The following RABGAP1L variants were observed in gnomAD, a reference collection of about 807,000 sequenced individuals.
RABGAP1L encodes rab GTPase-activating protein 1-like.
Under a neutral mutation model 137.7 loss-of-function variants are expected in RABGAP1L, and 63 were observed. The ratio of observed to expected loss-of-function variants is 0.46; its 90% CI spans 0.37 to 0.56. The LOEUF (loss-of-function observed/expected upper bound fraction) is 0.56, where lower values mean the gene tolerates loss of function less well. Among genes scored for constraint, RABGAP1L ranks in the 20% least tolerant of loss-of-function variants. The pLI is 0.00. For synonymous variants in RABGAP1L, 431 were observed against 433.7 expected (o/e 0.99, Z 0.08); for missense variants, 1,095 against 1,244.0 (o/e 0.88, Z 1.80).
chr1:174,876,377 G>A (rs1409503827), intron 19 of RABGAP1L, among the ~76,000 whole-genome samples: 1 of 152,108 alleles, frequency 6.6e-6, no homozygotes, highest in African/African-American at 2.4e-5. Flanking sequence ...AAAAAGCAGG[G>A]AAGATACTAG....
intron 13 of RABGAP1L, among the ~76,000 whole-genome samples, chr1:174,406,962 A>G (rs1449561922): frequency 6.6e-6 from 1 of 152,232 alleles, no homozygotes; most frequent in Non-Finnish European, 1.5e-5. Flanking sequence ...CCAATTTCAT[A>G]ATAACTTTAT....
intron 19 of RABGAP1L, chr1:174,893,136 G>C (rs1656534429): frequency 3.2e-6 from 1 of 310,914 alleles, no homozygotes; most frequent in Non-Finnish European, 6.6e-6. Context: ...GTGCGGCCCT[G>C]TGTGCATACT....
intron 10 of RABGAP1L, among the ~76,000 whole-genome samples, chr1:174,287,579 A>G (rs907205127): frequency 1.3e-5 from 2 of 152,084 alleles, no homozygotes; most frequent in African/African-American, 4.8e-5. Flanking sequence ...TGCAACCACC[A>G]TCTCCTGGGT....
intron 14 of RABGAP1L, among the ~76,000 whole-genome samples, chr1:174,652,614 T>C (rs1675621122): frequency 6.6e-6 from 1 of 152,234 alleles, no homozygotes; most frequent in Non-Finnish European, 1.5e-5. Flanking sequence ...TTTGCCTGCG[T>C]ATCACCAGCA....
At chr1:174,312,458 C>A (rs973075142) in intron 11 of RABGAP1L, among the ~76,000 whole-genome samples, 1 of 151,954 alleles carries the variant, frequency 6.6e-6, no homozygotes, top group African/African-American at 2.4e-5. Flanking sequence ...GATTTTTTTC[C>A]TACAGAGATG....
chr1:174,162,014 T>C (rs775284035), intron 1 of RABGAP1L, among the ~76,000 whole-genome samples: 30 of 151,424 alleles, frequency 2.0e-4, no homozygotes, highest in African/African-American at 6.8e-4. Context: ...ATTACAGGCC[T>C]GAGCCAACGG....
chr1:174,986,475 C>T lies in RABGAP1L; in HGVS notation c.2806-2166C>T, dbSNP rs1463619277. 3.9e-5 allele frequency among the ~76,000 whole-genome samples: 6 copies of T among 152,302 alleles called. No homozygotes were observed. In the East Asian group the frequency reaches 7.7e-4, roughly 20 times the overall value. ...GACACACTGCCAGCTGAAATAAACTCAGGGTCTGTTAGTAAGGAAGAAGGA... is the reference window on the plus strand; with the variant it reads ...GACACACTGCCAGCTGAAATAAACTTAGGGTCTGTTAGTAAGGAAGAAGGA... On this transcript the variant is annotated intron_variant, in intron 24 of 25. Transcript: ENST00000681986.
chr1:174,473,188 G>A (rs1658132380), intron 13 of RABGAP1L, among the ~76,000 whole-genome samples: 1 of 152,160 alleles, frequency 6.6e-6, no homozygotes, highest in Non-Finnish European at 1.5e-5. Context: ...TGTAGAGTAA[G>A]AGTTATATAC....
At chr1:174,309,408 GA>G (rs1382397077) in intron 11 of RABGAP1L, among the ~76,000 whole-genome samples, 1 of 152,046 alleles carries the variant, frequency 6.6e-6, no homozygotes, top group East Asian at 1.9e-4. Flanking sequence ...GAAGTGGCAA[GA>G]ATAGGCATCC....
At chr1:174,615,797 C>T (rs939963932) in intron 13 of RABGAP1L, among the ~76,000 whole-genome samples, 1 of 152,208 alleles carries the variant, frequency 6.6e-6, no homozygotes, top group African/African-American at 2.4e-5. Flanking sequence ...CGCCCCTCCC[C>T]CAGCCTCGCT....
chr1:174,300,991 G>T (rs969038289), intron 10 of RABGAP1L, among the ~76,000 whole-genome samples: 2 of 152,192 alleles, frequency 1.3e-5, no homozygotes, highest in African/African-American at 4.8e-5. Context: ...TAACACCCCT[G>T]TCCGGGTTTT....
At chr1:174,308,241 A>G (rs1678486535) in intron 11 of RABGAP1L, among the ~76,000 whole-genome samples, 1 of 152,000 alleles carries the variant, frequency 6.6e-6, no homozygotes, top group South Asian at 2.1e-4. Flanking sequence ...GGCTGTATAC[A>G]TATCTGTATA....
chr1:174,568,237 C>T (rs1667712714), intron 13 of RABGAP1L, among the ~76,000 whole-genome samples: 1 of 152,132 alleles, frequency 6.6e-6, no homozygotes, highest in Non-Finnish European at 1.5e-5. Context: ...TGAGAAATCA[C>T]TGATCACCAA....
At chr1:174,677,720 G>A (rs1677746372) in intron 14 of RABGAP1L, among the ~76,000 whole-genome samples, 1 of 152,140 alleles carries the variant, frequency 6.6e-6, no homozygotes, top group Non-Finnish European at 1.5e-5. Flanking sequence ...ATCATATTTG[G>A]GGATGATGAC....
intron 21 of RABGAP1L, among the ~76,000 whole-genome samples, chr1:174,970,996 G>A (rs1670082850): frequency 6.6e-6 from 1 of 151,666 alleles, no homozygotes; most frequent in South Asian, 2.1e-4. Flanking sequence ...CTACTGGCTG[G>A]CATTGGGTCA....
intron 18 of RABGAP1L, among the ~76,000 whole-genome samples, chr1:174,777,407 A>G (rs887296688): frequency 1.3e-5 from 2 of 152,304 alleles, no homozygotes; most frequent in Admixed American, 6.5e-5. Context: ...AGTACCCCTC[A>G]TCTCTACAGG....
At chr1:174,489,689 A>G (rs928934204) in intron 13 of RABGAP1L, among the ~76,000 whole-genome samples, 1 of 152,232 alleles carries the variant, frequency 6.6e-6, no homozygotes, top group Non-Finnish European at 1.5e-5. Flanking sequence ...GTATATACCC[A>G]AAGGATTATA....
intron 14 of RABGAP1L, among the ~76,000 whole-genome samples, chr1:174,672,277 C>T (rs111786699): frequency 2.3e-4 from 27 of 116,722 alleles, no homozygotes; most frequent in Admixed American, 3.4e-4. Flanking sequence ...TTTTTTTTTC[C>T]TTTCTTTTTT....
intron 3 of RABGAP1L, among the ~76,000 whole-genome samples, chr1:174,229,572 G>C (rs562151031): frequency 6.6e-6 from 1 of 152,210 alleles, no homozygotes; most frequent in South Asian, 2.1e-4. Context: ...AAAAAAGAGG[G>C]AAAGGTAGGC....
Sources: allele counts gnomAD v4.1 joint callset (sites outside exome capture counted in the v4.1 genomes callset), GRCh38; gene constraint gnomAD v4.1.1; transcripts MANE v1.5; gene names NCBI Gene and HGNC (gene_info 2026-07-23, HGNC 2026-07-21).